The following NBEA variants were observed in gnomAD, a reference collection of about 807,000 sequenced individuals.
The protein encoded by NBEA is neurobeachin.
Under a neutral mutation model 343.4 loss-of-function variants are expected in NBEA, and 44 were observed. The observed-to-expected ratio is 0.13, with a 90% CI of 0.10 to 0.16. NBEA has a LOEUF of 0.16. NBEA is among the 10% of genes least tolerant of loss of function. NBEA has a pLI of 1.00. For synonymous variants in NBEA, 1,175 were observed against 1,238.7 expected (o/e 0.95, Z 1.08); for missense variants, 2,555 against 3,631.3 (o/e 0.70, Z 7.62).
At chr13:35,582,465 A>T (rs2081099387) in intron 45 of NBEA, among the ~76,000 whole-genome samples, 1 of 152,106 alleles carries the variant, frequency 6.6e-6, no homozygotes, top group African/African-American at 2.4e-5. Flanking sequence ...TTTTACATCT[A>T]TCTAAAGAGA....
intron 38 of NBEA, among the ~76,000 whole-genome samples, chr13:35,408,482 A>G (rs148898446): frequency 2.4e-3 from 370 of 152,332 alleles, no homozygotes; most frequent in Admixed American, 6.1e-3. Context: ...CACCAAAGCA[A>G]TTCCAACAAA....
In NBEA at chr13:34,998,004, T is replaced by C. The variant is rs866378010; in HGVS notation, c.295-42929T>C. 5.9e-5 allele frequency among the ~76,000 whole-genome samples: 9 copies of C among 152,158 alleles called. No individual in the cohort carries two copies. The East Asian group carries it at 9.6e-4, about 16-fold the overall frequency. On this transcript the variant is annotated intron_variant, in intron 1 of 58. Coordinates refer to ENST00000379939, the MANE Select transcript of NBEA (RefSeq NM_001385012.1). ...CTTGTTAAAGGCATGTAACTAACTA[T>C]TGGGCAAAATTCACCCCCGATATTT...
chr13:34,954,187 G>A (rs1187239391), intron 1 of NBEA, among the ~76,000 whole-genome samples: 1 of 152,134 alleles, frequency 6.6e-6, no homozygotes, highest in Non-Finnish European at 1.5e-5. Flanking sequence ...CATAGGTTAT[G>A]TGCAAATACT....
At chr13:35,245,333 G>T (rs377077029) in intron 34 of NBEA, among the ~76,000 whole-genome samples, 1 of 151,976 alleles carries the variant, frequency 6.6e-6, no homozygotes, top group East Asian at 1.9e-4. Flanking sequence ...TCCATTTATT[G>T]TGCTATTTGT....
At chr13:35,491,751 A>T (rs931725690) in intron 41 of NBEA, among the ~76,000 whole-genome samples, 2 of 151,976 alleles carry the variant, frequency 1.3e-5, no homozygotes, top group African/African-American at 4.8e-5. Flanking sequence ...GCTAGGGAAC[A>T]TAGCTTCTCA....
intron 34 of NBEA, among the ~76,000 whole-genome samples, chr13:35,258,111 T>C (rs2032826961): frequency 6.6e-6 from 1 of 152,062 alleles, no homozygotes; most frequent in African/African-American, 2.4e-5. Flanking sequence ...TACTGTAAAA[T>C]AAGGTTTTGC....
At chr13:35,497,962 T>C (rs934070351) in intron 41 of NBEA, among the ~76,000 whole-genome samples, 3 of 152,086 alleles carry the variant, frequency 2.0e-5, no homozygotes, top group African/African-American at 7.2e-5. Flanking sequence ...TTTGGACTTT[T>C]TCTCAAACAC....
Position 35,507,656 on chromosome 13 carries a change from A to G in NBEA, c.6585+35120A>G, listed in dbSNP as rs932264673. On this transcript the variant is annotated intron_variant, in intron 41 of 58. Transcript: ENST00000379939. Reference sequence around the variant, plus strand: ...GACTTCTCTCTTTCTCTCACACCCAACATATACAGTCTCTTAGCAAGTCAC... The same window carrying G: ...GACTTCTCTCTTTCTCTCACACCCAGCATATACAGTCTCTTAGCAAGTCAC... Among the ~76,000 whole-genome samples, 2 of 152,190 alleles carry G rather than the reference A, an allele frequency of 1.3e-5. 1 individual carries two copies. The highest frequency in any genetic ancestry group is 4.1e-4 in the South Asian group (2 of 4,826).
chr13:35,483,066 C>A (rs2076180826), intron 41 of NBEA, among the ~76,000 whole-genome samples: 1 of 151,596 alleles, frequency 6.6e-6, no homozygotes, highest in Admixed American at 6.6e-5. Flanking sequence ...CTGACACAGG[C>A]AAAGTGTAAA....
chr13:35,003,278 G>A (rs2061206817), intron 1 of NBEA, among the ~76,000 whole-genome samples: 1 of 152,130 alleles, frequency 6.6e-6, no homozygotes, highest in Non-Finnish European at 1.5e-5. Flanking sequence ...CTACTTCAGG[G>A]GGGCTGAGGT....
chr13:35,323,755 T>C (rs1029574616), intron 36 of NBEA, among the ~76,000 whole-genome samples: 11 of 152,020 alleles, frequency 7.2e-5, no homozygotes, highest in Admixed American at 1.3e-4. Context: ...TATCTACTTA[T>C]GTACACATAT....
intron 34 of NBEA, among the ~76,000 whole-genome samples, chr13:35,272,329 C>A (rs1187547270): frequency 6.6e-6 from 1 of 152,124 alleles, no homozygotes; most frequent in Non-Finnish European, 1.5e-5. Context: ...ATCACCAGGC[C>A]CATCCTACAA....
At chr13:35,507,944 T>C (rs756758649) in intron 41 of NBEA, among the ~76,000 whole-genome samples, 1 of 152,194 alleles carries the variant, frequency 6.6e-6, no homozygotes, top group South Asian at 2.1e-4. Flanking sequence ...AGTATTTCTT[T>C]TATATTAATT....
At chr13:35,056,958 A>T (rs1162402139) in intron 7 of NBEA, among the ~76,000 whole-genome samples, 1 of 152,154 alleles carries the variant, frequency 6.6e-6, no homozygotes, top group Non-Finnish European at 1.5e-5. Flanking sequence ...AGACTTTATT[A>T]GTGTCTACCA....
chr13:35,541,725 GGTGTGTGT>G (rs3075505), intron 41 of NBEA, among the ~76,000 whole-genome samples: 296 of 145,230 alleles, frequency 2.0e-3, no homozygotes, highest in African/African-American at 5.2e-3. Flanking sequence ...GGTCTGCATG[GGTGTGTGT>G]GTGTGTGTGT....
intron 36 of NBEA, among the ~76,000 whole-genome samples, chr13:35,331,253 G>A (rs990699021): frequency 2.0e-5 from 3 of 151,944 alleles, no homozygotes; most frequent in African/African-American, 7.2e-5. Flanking sequence ...TTACACTGAG[G>A]TATTAAATCC....
chr13:35,646,558 G>A (rs2084242485), intron 51 of NBEA, among the ~76,000 whole-genome samples: 1 of 152,046 alleles, frequency 6.6e-6, no homozygotes, highest in Non-Finnish European at 1.5e-5. Context: ...TCCCACTTTT[G>A]GATTCACAAA....
Position 35,112,960 on chromosome 13 carries a change from C to T in NBEA, c.2002+1982C>T, listed in dbSNP as rs555074680. Among the ~76,000 whole-genome samples, 29 of 152,070 alleles carry T rather than the reference C, an allele frequency of 1.9e-4. 1 individual carries two copies. The South Asian group carries it at 5.4e-3, about 28-fold the overall frequency. On this transcript the variant is annotated intron_variant, in intron 13 of 58. Transcript: ENST00000379939. ...TGATACTATCATCTAATTCAGAGAC[C>T]CCATTCAAATTTCACTAATTACACT...
chr13:35,207,916 A>C (rs1436952443), intron 31 of NBEA, among the ~76,000 whole-genome samples: 2 of 152,148 alleles, frequency 1.3e-5, no homozygotes, highest in Non-Finnish European at 2.9e-5. Context: ...ACTATGAAGA[A>C]GCTTTAGAAT....
Sources: allele counts gnomAD v4.1 joint callset (sites outside exome capture counted in the v4.1 genomes callset), GRCh38; gene constraint gnomAD v4.1.1; transcripts MANE v1.5; gene names NCBI Gene and HGNC (gene_info 2026-07-23, HGNC 2026-07-21).